The following CDH2 variants were observed in gnomAD, a reference collection of about 807,000 sequenced individuals.
CDH2 encodes the protein cadherin 2.
A neutral mutation model predicts 92.0 loss-of-function variants in CDH2; 17 were observed. The observed-to-expected ratio is 0.18, with a 90% CI of 0.13 to 0.28. The LOEUF is 0.28. Ranked by LOEUF, CDH2 falls within the 10% of genes least tolerant of loss-of-function variation. CDH2 has a pLI of 1.00. For missense variants in CDH2, 862 were observed against 1,133.1 expected (o/e 0.76, Z 3.44); for synonymous variants, 419 against 415.9 (o/e 1.01, Z -0.09).
chr18:28,067,392 A>G (rs1725700269), intron 2 of CDH2, among the ~76,000 whole-genome samples: 2 of 151,992 alleles, frequency 1.3e-5, no homozygotes, highest in African/African-American at 4.8e-5. Flanking sequence ...CCCAATCCCA[A>G]TCCCCTACCA....
At chr18:28,069,718 G>C (rs542293832) in intron 2 of CDH2, among the ~76,000 whole-genome samples, 6 of 152,084 alleles carry the variant, frequency 3.9e-5, no homozygotes, top group African/African-American at 4.8e-5. Context: ...ACCAGAATGC[G>C]GGACACATTA....
intron 2 of CDH2, among the ~76,000 whole-genome samples, chr18:28,128,680 CG>C (rs1219373084): frequency 6.7e-6 from 1 of 150,072 alleles, no homozygotes; most frequent in Non-Finnish European, 1.5e-5. Context: ...GGCACGACCC[CG>C]TCTCAAAAAA....
At chr18:28,101,375 C>G (rs974591313) in intron 2 of CDH2, among the ~76,000 whole-genome samples, 1 of 152,100 alleles carries the variant, frequency 6.6e-6, no homozygotes, top group Non-Finnish European at 1.5e-5. Context: ...ATATGACTCT[C>G]CTGACTAAAC....
chr18:27,977,619 C>T (rs937924276), intron 14 of CDH2, among the ~76,000 whole-genome samples: 3 of 152,056 alleles, frequency 2.0e-5, no homozygotes, highest in African/African-American at 4.8e-5. Context: ...TTTCTGGAGA[C>T]TGCTGTACAG....
At chr18:27,997,961 C>T (rs1463368597) in intron 7 of CDH2, among the ~76,000 whole-genome samples, 1 of 152,088 alleles carries the variant, frequency 6.6e-6, no homozygotes, top group African/African-American at 2.4e-5. Flanking sequence ...CGCCCGCAAC[C>T]ACGCCTGGCT....
chr18:28,047,595 G>C (rs920722429), intron 2 of CDH2, among the ~76,000 whole-genome samples: 2 of 152,072 alleles, frequency 1.3e-5, no homozygotes, highest in African/African-American at 4.8e-5. Flanking sequence ...CTGGCCGGGC[G>C]CGGTGGCTCA....
chr18:27,989,725 A>G (rs1307774112), intron 10 of CDH2, among the ~76,000 whole-genome samples: 3 of 152,172 alleles, frequency 2.0e-5, no homozygotes, highest in African/African-American at 7.2e-5. Context: ...TCTTTCCTTC[A>G]TGATGCATGG....
intron 2 of CDH2, among the ~76,000 whole-genome samples, chr18:28,111,789 A>G (rs887315537): frequency 6.6e-6 from 1 of 152,198 alleles, no homozygotes; most frequent in African/African-American, 2.4e-5. Flanking sequence ...AGCTTGAAAC[A>G]CATGATCTTT....
intron 6 of CDH2, among the ~76,000 whole-genome samples, chr18:27,935,919 C>T (rs915888227): frequency 6.6e-6 from 1 of 152,184 alleles, no homozygotes; most frequent in Non-Finnish European, 1.5e-5. Context: ...TTAAACTTAA[C>T]AAAGCCCTTT....
chr18:28,118,200 C>T (rs1412100253), intron 2 of CDH2, among the ~76,000 whole-genome samples: 1 of 151,718 alleles, frequency 6.6e-6, no homozygotes, highest in African/African-American at 2.4e-5. Context: ...TCACATACAC[C>T]TGTGTTAAAG....
chr18:28,130,261 A>G (rs1010289709), intron 2 of CDH2, among the ~76,000 whole-genome samples: 2 of 152,218 alleles, frequency 1.3e-5, no homozygotes, highest in African/African-American at 4.8e-5. Flanking sequence ...GCTGCAGGAA[A>G]GACAGAAACA....
At chr18:28,001,099 A>G (rs1255437366) in intron 7 of CDH2, among the ~76,000 whole-genome samples, 1 of 152,140 alleles carries the variant, frequency 6.6e-6, no homozygotes, top group Non-Finnish European at 1.5e-5. Context: ...GCTATTTCTC[A>G]TACTGTATCT....
intron 6 of CDH2, among the ~76,000 whole-genome samples, chr18:27,935,315 C>A (rs1204217122): frequency 6.6e-6 from 1 of 152,158 alleles, no homozygotes; most frequent in Admixed American, 6.6e-5. Context: ...GAAGCAGACA[C>A]ATGTTCACAT....
At chr18:27,957,422 G>GT (rs11449848) in intron 15 of CDH2, among the ~76,000 whole-genome samples, 52,975 of 142,874 alleles carry the variant, frequency 0.37, 10,278 homozygotes, top group Non-Finnish European at 0.47. Flanking sequence ...GCTAATTTTT[G>GT]TTTTTTTTTG....
At chr18:28,098,528 A>G (rs2015174353) in intron 2 of CDH2, among the ~76,000 whole-genome samples, 1 of 151,812 alleles carries the variant, frequency 6.6e-6, no homozygotes, top group Non-Finnish European at 1.5e-5. Flanking sequence ...GTTAATATTG[A>G]CCACATGGCC....
intron 2 of CDH2, among the ~76,000 whole-genome samples, chr18:28,040,921 A>G (rs2013935622): frequency 6.6e-6 from 1 of 152,160 alleles, no homozygotes; most frequent in Non-Finnish European, 1.5e-5. Context: ...AGAACTCTAA[A>G]AGGTAGATGT....
intron 1 of CDH2, among the ~76,000 whole-genome samples, chr18:28,169,650 T>A (rs934539725): frequency 1.3e-5 from 2 of 152,172 alleles, no homozygotes; most frequent in East Asian, 1.9e-4. Flanking sequence ...AGTAGGTAAG[T>A]ACACTATCTA....
At chr18:28,127,813 C>T (rs925420225) in intron 2 of CDH2, among the ~76,000 whole-genome samples, 1 of 152,156 alleles carries the variant, frequency 6.6e-6, no homozygotes, top group Non-Finnish European at 1.5e-5. Context: ...TATATACACA[C>T]ATAAACTCAG....
intron 1 of CDH2, among the ~76,000 whole-genome samples, chr18:28,148,643 A>C (rs1452213498): frequency 2.0e-5 from 3 of 152,182 alleles, no homozygotes; most frequent in Non-Finnish European, 2.9e-5. Flanking sequence ...ATACAGAGGA[A>C]GGACGAGTAG....
Sources: allele counts gnomAD v4.1 joint callset (sites outside exome capture counted in the v4.1 genomes callset), GRCh38; gene constraint gnomAD v4.1.1; transcripts MANE v1.5; gene names NCBI Gene and HGNC (gene_info 2026-07-23, HGNC 2026-07-21).